EP400: variants seen among roughly 807,000 people sequenced by gnomAD.
EP400 encodes E1A-binding protein p400.
A neutral mutation model predicts 354.1 loss-of-function variants in EP400; 105 were observed. The ratio of observed to expected loss-of-function variants is 0.30; its 90% CI spans 0.25 to 0.35. The LOEUF is 0.35. Ranked by LOEUF, EP400 falls within the 10% of genes least tolerant of loss-of-function variation. The pLI is 1.00. For missense variants in EP400, 3,280 were observed against 4,121.0 expected (o/e 0.80, Z 5.59); for synonymous variants, 1,646 against 1,716.9 (o/e 0.96, Z 1.02).
At chr12:131,962,730 G>A (rs992863142) in intron 2 of EP400, among the ~76,000 whole-genome samples, 30 of 152,320 alleles carry the variant, frequency 2.0e-4, no homozygotes, top group African/African-American at 7.0e-4. Context: ...GAGACTTCCT[G>A]AAAACCAGGG....
chr12:132,013,942 CT>C lies in EP400; in HGVS notation c.3923+32del. The C allele has an allele frequency of 6.2e-7, 1 of 1,609,726 alleles. No homozygotes were observed. ...AGTGTGGGCTCTGGGCATGTGCCCCCTTTGCTGTCCCTGCCTGTGAGGGAAA... is the reference window on the plus strand; with the variant it reads ...AGTGTGGGCTCTGGGCATGTGCCCCCTTGCTGTCCCTGCCTGTGAGGGAAA... On this transcript the variant is annotated intron_variant, in intron 19 of 52. Transcript: ENST00000389561. The surrounding 1 kb of genome is among the most constrained non-coding windows in gnomAD (Gnocchi z 4.5).
chr12:131,966,644 C>CT (rs1462734973), intron 2 of EP400, among the ~76,000 whole-genome samples: 1 of 150,848 alleles, frequency 6.6e-6, no homozygotes, highest in African/African-American at 2.4e-5. Context: ...TAGCTCATGC[C>CT]TGTAATCCCA....
chr12:132,024,826 G>A (rs1051280042), intron 24 of EP400, among the ~76,000 whole-genome samples: 12 of 92,702 alleles, frequency 1.3e-4, no homozygotes, highest in Non-Finnish European at 1.9e-4. Flanking sequence ...CAGCAGCCCC[G>A]GTGGCACCTT....
chr12:131,991,824 C>T (rs1032336975), intron 10 of EP400, among the ~76,000 whole-genome samples: 65 of 152,162 alleles, frequency 4.3e-4, no homozygotes, highest in African/African-American at 1.3e-3. Context: ...TGAGCTCAGG[C>T]ATTCTGTCCG....
At chr12:132,031,898 A>G (rs1894519946) in intron 29 of EP400, 55 bp from the exon 30 acceptor site, 2 of 1,530,770 alleles carry the variant, frequency 1.3e-6, no homozygotes, top group Admixed American at 1.9e-5. Flanking sequence ...AAACGTGTCA[A>G]AGGTTTCCCA....
Position 131,993,498 on chromosome 12 carries a change from A to G in EP400, c.2737+1268A>G, listed in dbSNP as rs978191503. On this transcript the variant is annotated intron_variant, in intron 11 of 52. Transcript: ENST00000389561. The stretch of plus-strand genomic sequence containing the variant: ...CCTTTTCTCTGGCCTGCACTCTGGT[A>G]GCTGCGGTCGGCTTTATGTAGATTG... 1.2e-4 allele frequency among the ~76,000 whole-genome samples: 18 copies of G among 152,362 alleles called. 2 individuals are homozygous for G. The highest frequency in any genetic ancestry group is 7.8e-4 in the Admixed American group (12 of 15,306).
rs748155428 is a variant in EP400, at chr12:132,080,256, CAG to C, written c.*2584_*2585del. On this transcript the variant is annotated 3_prime_UTR_variant, in exon 53 of 53. Coordinates refer to ENST00000389561, the MANE Select transcript of EP400 (RefSeq NM_015409.5). ...TGTTCAGATTTGGTGCCTGATAAGA[CAG>C]GGGTTTCTCTTTTTGTGACCTTTAT... 1.2e-4 allele frequency: 18 copies of C among 152,564 alleles called. No homozygotes were observed. Among genetic ancestry groups the C allele is most frequent in the East Asian group, 3.8e-4 (2 of 5,202 alleles). The allele number at this position is 152,564 out of a possible 1,614,324, so 9.5% of individuals were successfully genotyped here. A position where few individuals can be genotyped will look rare whatever the true frequency, so the allele number is the denominator to read the frequency against.
rs112195149 is a variant in EP400 at position 132,017,324 on chromosome 12, C to A, written c.3924-211C>A. Among the ~76,000 whole-genome samples, 54 of 152,170 alleles carry A rather than the reference C, an allele frequency of 3.5e-4. No homozygotes were observed. In the Middle Eastern group the frequency reaches 0.027, roughly 77 times the overall value. On this transcript the variant is annotated intron_variant, in intron 19 of 52. Coordinates refer to ENST00000389561, the MANE Select transcript of EP400 (RefSeq NM_015409.5). This position sits in a 1 kb window ranked among gnomAD's most constrained non-coding sequence, Gnocchi z 5.0. ...TGTCTTTCCGTCAGCTCTGGTGGGG[C>A]GGATGTCATTCTCAATGGGGATGGC...
At chr12:132,074,422 C>G (rs945553210) in intron 51 of EP400, among the ~76,000 whole-genome samples, 3 of 151,506 alleles carry the variant, frequency 2.0e-5, no homozygotes, top group Admixed American at 6.6e-5. Flanking sequence ...CTGCCTGTTA[C>G]TGAGACGTTG....
intron 2 of EP400, among the ~76,000 whole-genome samples, chr12:131,965,935 G>A (rs189799498): frequency 6.6e-6 from 1 of 151,694 alleles, no homozygotes; most frequent in Admixed American, 6.6e-5. Flanking sequence ...TTCACATACA[G>A]TTTTTCATGT....
chr12:131,954,836 T>C (rs7306544), intron 1 of EP400, among the ~76,000 whole-genome samples: 41,440 of 151,326 alleles, frequency 0.27, 9,730 homozygotes, highest in African/African-American at 0.65. Context: ...AAGACTAGCA[T>C]AGGCAACATG....
Position 132,017,396 on chromosome 12 carries a change from C to A in EP400, c.3924-139C>A. ...CCTGGGATGTGGACTTGAATGGCCA[C>A]TCTGTCTAACTCATTAAGCGGACCT... is the stretch of plus-strand genomic sequence containing the variant. On this transcript the variant is annotated intron_variant, in intron 19 of 52. Coordinates refer to ENST00000389561, the MANE Select transcript of EP400 (RefSeq NM_015409.5). The surrounding 1 kb of genome is among the most constrained non-coding windows in gnomAD (Gnocchi z 5.0). 1 of 803,836 alleles carries A rather than the reference C, an allele frequency of 1.2e-6. No individual in the cohort carries two copies. The highest frequency in any genetic ancestry group is 1.9e-6 in the Non-Finnish European group (1 of 515,988). The allele number at this position is 803,836 out of a possible 1,614,324, so 49.8% of individuals were successfully genotyped here.
rs1894440174 is a variant in EP400, at chr12:132,030,133, A to C, written c.5729A>C (p.Glu1910Ala). 6.2e-7 allele frequency: 1 copy of C among 1,614,242 alleles called. No individual in the cohort carries two copies. Among genetic ancestry groups the C allele is most frequent in the Non-Finnish European group, 8.5e-7 (1 of 1,180,044 alleles). ...FHYLTYVRID[E>A]NASSEQRQEL... ...TACCTCACCTATGTAAGAATCGATGAAAATGCCAGCAGTGAGCAACGGCAG... is the reference window on the plus strand; with the variant it reads ...TACCTCACCTATGTAAGAATCGATGCAAATGCCAGCAGTGAGCAACGGCAG... The change falls in exon 29 of 53, where the codon GAA (glutamate) becomes GCA (alanine). Residue 1910 changes from glutamate (E) to alanine (A), a missense_variant. Glu to Ala is a moderately radical substitution (Grantham distance 107, BLOSUM62 -1). Coordinates refer to ENST00000389561, the MANE Select transcript of EP400 (RefSeq NM_015409.5).
intron 12 of EP400, among the ~76,000 whole-genome samples, chr12:132,000,742 T>G (rs1270047205): frequency 6.6e-6 from 1 of 152,236 alleles, no homozygotes; most frequent in Admixed American, 6.5e-5. Flanking sequence ...GAATTCTCTT[T>G]TAAGCTCTTC....
rs1321461458 is a variant in EP400, at chr12:131,961,661, C to T, written c.1042C>T (p.Pro348Ser). 3.7e-6 allele frequency: 6 copies of T among 1,609,660 alleles called. 1 individual carries two copies. The highest frequency in any genetic ancestry group is 1.7e-4 in the Middle Eastern group (1 of 5,806). ...GGGGAACACGGGAATGAAGAAGGTT[C>T]CCAAGAAGTTAGAGGAGATTCCCCC... ...SVGNTGMKKV[P>S]KKLEEIPPAS... The change falls in exon 2 of 53, where the codon CCC becomes TCC. Residue 348 changes from proline to serine, a missense_variant. Pro to Ser is a moderately conservative substitution (Grantham distance 74). Coordinates refer to ENST00000389561, the MANE Select transcript of EP400 (RefSeq NM_015409.5).
chr12:132,049,226 C>A (rs751354385), intron 39 of EP400, among the ~76,000 whole-genome samples: 18 of 152,254 alleles, frequency 1.2e-4, no homozygotes, highest in Non-Finnish European at 2.2e-4. Context: ...AGTTCCATTA[C>A]CAGACACACG....
intron 2 of EP400, among the ~76,000 whole-genome samples, chr12:131,972,849 A>C (rs1324433014): frequency 2.7e-5 from 4 of 147,180 alleles, no homozygotes; most frequent in Non-Finnish European, 5.9e-5. Context: ...CTCCTGTCTC[A>C]GCTTCCTGAA....
Position 132,020,089 on chromosome 12 carries a change from C to T in EP400, c.4318C>T (p.Arg1440Cys), listed in dbSNP as rs1473681078. The T allele has an allele frequency of 7.5e-6, 12 of 1,598,702 alleles. No individual in the cohort carries two copies. The highest frequency in any genetic ancestry group is 1.7e-4 in the Middle Eastern group (1 of 6,028). ...PVQYGQKPEG[R>C]TVAFPSTHPP... ...GCAGTATGGCCAGAAGCCCGAGGGT[C>T]GCACCGTGGCTTTCCCCAGCACTCA... Residue 1440 changes from arginine to cysteine, a missense_variant, in exon 22 of 53, where the codon CGC (arginine) becomes TGC (cysteine). Transcript: ENST00000389561.
chr12:132,015,333 G>T (rs1311704203), intron 19 of EP400, among the ~76,000 whole-genome samples: 1 of 152,240 alleles, frequency 6.6e-6, no homozygotes, highest in Non-Finnish European at 1.5e-5. Context: ...AAACCGCTTT[G>T]CCATGTTGCT....
Sources: gnomAD v4.1 joint callset for allele counts (sites outside exome capture counted in the v4.1 genomes callset) on GRCh38, gnomAD v4.1.1 for gene constraint, Gnocchi (gnomAD v3.1) non-coding constraint, MANE v1.5 for transcripts, NCBI Gene and HGNC (gene_info 2026-07-23, HGNC 2026-07-21) for gene names.